Variants in MYRIP observed in about 807,000 individuals in gnomAD.
The protein encoded by MYRIP is rab effector MyRIP.
A neutral mutation model predicts 98.0 loss-of-function variants in MYRIP; 49 were observed. That is an observed-to-expected ratio of 0.50 (90% confidence interval 0.40 to 0.63). The LOEUF (loss-of-function observed/expected upper bound fraction) is 0.63. Among genes scored for constraint, MYRIP ranks in the 30% least tolerant of loss-of-function variants. The probability of loss-of-function intolerance (pLI) is 0.00; values close to 1 mark genes in which losing one functional copy is unlikely to be tolerated. For missense variants in MYRIP, 1,004 were observed against 1,058.2 expected (o/e 0.95, Z 0.71); for synonymous variants, 404 against 409.5 (o/e 0.99, Z 0.16).
At chr3:40,250,573 T>A in intron 15 of MYRIP, 74 bp downstream of exon 15, 1 of 1,523,236 alleles carries the variant, frequency 6.6e-7, no homozygotes, top group Non-Finnish European at 9.1e-7. Flanking sequence ...CAAAGAGACC[T>A]GAGTTTGAGA....
intron 1 of MYRIP, among the ~76,000 whole-genome samples, chr3:39,844,392 A>G (rs1941898405): frequency 6.6e-6 from 1 of 152,242 alleles, no homozygotes; most frequent in African/African-American, 2.4e-5. Context: ...TATATCTCAC[A>G]GAATCATTCA....
intron 1 of MYRIP, among the ~76,000 whole-genome samples, chr3:39,846,908 T>C (rs1941980875): frequency 6.6e-6 from 1 of 152,132 alleles, no homozygotes; most frequent in Non-Finnish European, 1.5e-5. Flanking sequence ...GGAGAGCAAA[T>C]TGTGCATATG....
At chr3:39,813,196 C>T (rs1440047828) in intron 1 of MYRIP, among the ~76,000 whole-genome samples, 1 of 152,212 alleles carries the variant, frequency 6.6e-6, no homozygotes, top group Non-Finnish European at 1.5e-5. Flanking sequence ...TGGAAGAATA[C>T]ATAGCCCTGG....
rs537011663 is a variant in MYRIP, at chr3:39,847,129, G to A, written c.-31+37213G>A. 3.3e-5 allele frequency among the ~76,000 whole-genome samples: 5 copies of A among 152,196 alleles called. No homozygotes were observed. In the South Asian group the frequency reaches 6.2e-4, roughly 19 times the overall value. On this transcript the variant is annotated intron_variant, in intron 1 of 16. Transcript: ENST00000302541. The stretch of plus-strand genomic sequence containing the variant: ...CACAGGTCCATCCTTTATCAACTTG[G>A]CAACCATATGCATCTCTTTAACCCA...
intron 3 of MYRIP, among the ~76,000 whole-genome samples, chr3:40,132,125 G>C (rs1028313650): frequency 1.3e-5 from 2 of 151,982 alleles, no homozygotes; most frequent in Admixed American, 1.3e-4. Context: ...CCTTCCCAGA[G>C]CTGGGAATTA....
At chr3:40,104,691 G>C (rs187285705) in intron 3 of MYRIP, among the ~76,000 whole-genome samples, 2 of 152,116 alleles carry the variant, frequency 1.3e-5, no homozygotes, top group African/African-American at 2.4e-5. Flanking sequence ...GTGCACTTCC[G>C]TCTGAGTTAT....
intron 9 of MYRIP, among the ~76,000 whole-genome samples, chr3:40,183,892 AC>A (rs1403046287): frequency 1.3e-5 from 2 of 152,208 alleles, no homozygotes; most frequent in Admixed American, 1.3e-4. Flanking sequence ...AACTATAGAA[AC>A]AAAATCCATT....
At chr3:40,155,735 A>G (rs999615908) in intron 4 of MYRIP, among the ~76,000 whole-genome samples, 5 of 151,898 alleles carry the variant, frequency 3.3e-5, no homozygotes, top group African/African-American at 9.7e-5. Flanking sequence ...CATTTCTCTG[A>G]TGGCCAGTGA....
At chr3:39,815,633 G>A (rs1442002240) in intron 1 of MYRIP, among the ~76,000 whole-genome samples, 1 of 152,088 alleles carries the variant, frequency 6.6e-6, no homozygotes, top group Non-Finnish European at 1.5e-5. Flanking sequence ...TCTGTAGAAA[G>A]CCATAGGTAC....
chr3:39,959,243 A>G (rs1326992133), intron 2 of MYRIP, among the ~76,000 whole-genome samples: 4 of 152,234 alleles, frequency 2.6e-5, no homozygotes, highest in African/African-American at 7.2e-5. Context: ...TTGTGGCACT[A>G]TTCACAATAG....
chr3:39,991,947 A>G (rs1946190764), intron 2 of MYRIP, among the ~76,000 whole-genome samples: 2 of 152,176 alleles, frequency 1.3e-5, no homozygotes, highest in Non-Finnish European at 2.9e-5. Context: ...CTCTATAAGT[A>G]TATATTAGAT....
intron 8 of MYRIP, 60 bp from the exon 9 acceptor site, chr3:40,182,160 G>A (rs894023517): frequency 3.0e-5 from 44 of 1,474,340 alleles, no homozygotes; most frequent in Non-Finnish European, 3.7e-5. Flanking sequence ...AAAGGTGAAG[G>A]CACACCTCCC....
At chr3:40,095,269 A>G (rs1193848053) in intron 3 of MYRIP, among the ~76,000 whole-genome samples, 1 of 152,218 alleles carries the variant, frequency 6.6e-6, no homozygotes, top group African/African-American at 2.4e-5. Context: ...AAGTCCCTTC[A>G]GGGAAGACTG....
At chr3:39,989,801 G>A (rs1317888812) in intron 2 of MYRIP, among the ~76,000 whole-genome samples, 1 of 152,234 alleles carries the variant, frequency 6.6e-6, no homozygotes, top group Non-Finnish European at 1.5e-5. Flanking sequence ...ATCTGCCACA[G>A]CCATTGTGTT....
At position 40,210,058 on chromosome 3, in the gene MYRIP, G is replaced by T; in HGVS notation, c.1870G>T (p.Asp624Tyr). 1.2e-6 allele frequency: 2 copies of T among 1,614,030 alleles called. No individual in the cohort carries two copies. Among genetic ancestry groups the T allele is most frequent in the Non-Finnish European group, 1.7e-6 (2 of 1,179,944 alleles). Residue 624 changes from aspartate to tyrosine, a missense_variant, in exon 11 of 17, where the codon GAC becomes TAC. By Grantham distance (160) the Asp-to-Tyr change is radical (BLOSUM62 -3). Coordinates refer to ENST00000302541, the MANE Select transcript of MYRIP (RefSeq NM_015460.4). ...ENQKESLSSEDNSQSVQEELK... is the reference protein window; with the variant it reads ...ENQKESLSSEYNSQSVQEELK... The stretch of plus-strand genomic sequence containing the variant: ...CCAGAAGGAAAGTCTGTCCTCTGAA[G>T]ACAACAGCCAGAGTGTCCAGGAAGA...
chr3:40,023,287 G>A (rs1947040631), intron 2 of MYRIP, among the ~76,000 whole-genome samples: 1 of 152,164 alleles, frequency 6.6e-6, no homozygotes. Context: ...GTGTCAGTCA[G>A]GGTTCCATCA....
At chr3:40,009,844 T>C (rs1946719887) in intron 2 of MYRIP, among the ~76,000 whole-genome samples, 1 of 152,228 alleles carries the variant, frequency 6.6e-6, no homozygotes, top group African/African-American at 2.4e-5. Flanking sequence ...CTCCAGCAAT[T>C]CTACAAAGTA....
chr3:39,937,180 C>A (rs898445718), intron 2 of MYRIP, among the ~76,000 whole-genome samples: 1 of 152,184 alleles, frequency 6.6e-6, no homozygotes, highest in African/African-American at 2.4e-5. Flanking sequence ...CCATCCCCTG[C>A]CTTCCTATAG....
At chr3:39,954,536 A>G (rs1214583507) in intron 2 of MYRIP, among the ~76,000 whole-genome samples, 1 of 152,190 alleles carries the variant, frequency 6.6e-6, no homozygotes, top group Non-Finnish European at 1.5e-5. Flanking sequence ...ATCAAAGACC[A>G]AAGGTAGATA....
Sources: gnomAD v4.1 joint callset for allele counts (sites outside exome capture counted in the v4.1 genomes callset) on GRCh38, gnomAD v4.1.1 for gene constraint, MANE v1.5 for transcripts, NCBI Gene and HGNC (gene_info 2026-07-23, HGNC 2026-07-21) for gene names.